The following NAV2 variants were observed in gnomAD, a reference collection of about 807,000 sequenced individuals.
NAV2 encodes neuron navigator 2, also known as helicase, APC down-regulated 1.
NAV2 carries 54 observed loss-of-function variants against 223.2 expected under a neutral mutation model. The ratio of observed to expected loss-of-function variants is 0.24; its 90% CI spans 0.19 to 0.30. The LOEUF is 0.30. Among genes scored for constraint, NAV2 ranks in the 10% least tolerant of loss-of-function variants. NAV2 has a pLI of 1.00. For missense variants in NAV2, 2,806 were observed against 3,147.5 expected, an observed-to-expected ratio of 0.89 and a Z score of 2.60; for synonymous variants, 1,279 against 1,239.3, an observed-to-expected ratio of 1.03 and a Z score of -0.67.
chr11:19,916,086 A>G (rs934003248), intron 6 of NAV2, among the ~76,000 whole-genome samples: 1 of 152,342 alleles, frequency 6.6e-6, no homozygotes, highest in South Asian at 2.1e-4. Flanking sequence ...CAAGTACAAT[A>G]CTTAGCATAG....
intron 1 of NAV2, among the ~76,000 whole-genome samples, chr11:19,637,298 G>T (rs2047532730): frequency 6.6e-6 from 1 of 152,138 alleles, no homozygotes; most frequent in South Asian, 2.1e-4. Flanking sequence ...CTTCTGCCTG[G>T]TCAGGCCTCT....
At chr11:19,887,981 C>T (rs765456601) in intron 5 of NAV2, among the ~76,000 whole-genome samples, 3 of 151,028 alleles carry the variant, frequency 2.0e-5, no homozygotes, top group Non-Finnish European at 2.9e-5. Flanking sequence ...ACGTACATCG[C>T]GTGGAACAGA....
intron 11 of NAV2, among the ~76,000 whole-genome samples, chr11:19,984,681 C>CCTGTTGCA (rs902000007): frequency 1.3e-5 from 2 of 152,166 alleles, no homozygotes; most frequent in African/African-American, 4.8e-5. Flanking sequence ...CAAAAAGCCT[C>CCTGTTGCA]CTGTTGCATG....
intron 11 of NAV2, among the ~76,000 whole-genome samples, chr11:19,986,517 G>T (rs1388106566): frequency 2.0e-5 from 3 of 151,790 alleles, no homozygotes; most frequent in East Asian, 3.9e-4. Flanking sequence ...CTACTCGGGA[G>T]AGGGAGGCAT....
intron 11 of NAV2, among the ~76,000 whole-genome samples, chr11:19,994,424 G>A (rs966006548): frequency 6.6e-6 from 1 of 152,180 alleles, no homozygotes; most frequent in Non-Finnish European, 1.5e-5. Context: ...GCGGGCGCCT[G>A]TAATCCCAGC....
rs554777708 is a variant in NAV2, at chr11:19,428,706, C to T, written c.75+77679C>T. ...CCTTAGCAGTCATCTTTCCTCTATG[C>T]CACCTAGTCATCTTCCTGTCATAAA... On this transcript the variant is annotated intron_variant, in intron 1 of 37. Coordinates refer to the NAV2 transcript ENST00000360655. Among the ~76,000 whole-genome samples, 13 of 152,294 alleles carry T rather than the reference C, an allele frequency of 8.5e-5. No homozygotes were observed. In the South Asian group the frequency reaches 2.5e-3, roughly 29 times the overall value.
At chr11:20,100,577 G>GTA in intron 31 of NAV2, among the ~76,000 whole-genome samples, 1 of 151,496 alleles carries the variant, frequency 6.6e-6, no homozygotes, top group South Asian at 2.1e-4. Context: ...GTGTGTGTGT[G>GTA]TGTGTGTGTG....
intron 11 of NAV2, among the ~76,000 whole-genome samples, chr11:20,002,054 T>C (rs1010669602): frequency 6.6e-5 from 10 of 152,166 alleles, no homozygotes; most frequent in African/African-American, 1.4e-4. Context: ...GAAGGCCCTC[T>C]TCTGGGCTGC....
intron 5 of NAV2, among the ~76,000 whole-genome samples, chr11:19,891,193 A>C (rs1031477961): frequency 6.6e-6 from 1 of 152,230 alleles, no homozygotes; most frequent in East Asian, 1.9e-4. Context: ...ATTTGCATGG[A>C]AAGAGAAGGC....
At chr11:19,849,309 C>T (rs2060981368) in intron 3 of NAV2, among the ~76,000 whole-genome samples, 1 of 152,198 alleles carries the variant, frequency 6.6e-6, no homozygotes, top group Non-Finnish European at 1.5e-5. Flanking sequence ...GCCGTGTTCT[C>T]CTTAGTTTTC....
At chr11:19,816,377 C>A (rs78801962) in intron 1 of NAV2, among the ~76,000 whole-genome samples, 4,256 of 152,356 alleles carry the variant, frequency 0.028, 205 homozygotes, top group African/African-American at 0.097. Context: ...AGGTTCTGTG[C>A]CTCTCTGCCC....
chr11:20,097,094 A>G (rs2061328783), intron 30 of NAV2, among the ~76,000 whole-genome samples: 1 of 152,078 alleles, frequency 6.6e-6, no homozygotes, highest in Non-Finnish European at 1.5e-5. Flanking sequence ...AATTAAACAC[A>G]CGTTTTCCTT....
chr11:19,553,288 C>T (rs918391328), intron 1 of NAV2, among the ~76,000 whole-genome samples: 1 of 152,234 alleles, frequency 6.6e-6, no homozygotes, highest in Non-Finnish European at 1.5e-5. Context: ...AGCCCCACCC[C>T]TAATCTTGGG....
At chr11:19,879,763 A>G in intron 4 of NAV2, 106 bp from the exon 5 acceptor site, 1 of 1,287,126 alleles carries the variant, frequency 7.8e-7, no homozygotes. Flanking sequence ...GTGTTCAGGA[A>G]GCCTGTCATA....
intron 1 of NAV2, chr11:19,575,370 T>C (rs1457896084): frequency 6.5e-6 from 1 of 154,194 alleles, no homozygotes; most frequent in Admixed American, 6.5e-5. Flanking sequence ...GCCATTGCAA[T>C]GAGAAAGGAG....
At chr11:19,413,247 A>C (rs1850222555) in intron 1 of NAV2, among the ~76,000 whole-genome samples, 1 of 152,224 alleles carries the variant, frequency 6.6e-6, no homozygotes, top group Admixed American at 6.5e-5. Flanking sequence ...GATGGAGCTG[A>C]AAAACACAGT....
At chr11:19,662,407 G>A (rs1350290646) in intron 1 of NAV2, among the ~76,000 whole-genome samples, 1 of 152,208 alleles carries the variant, frequency 6.6e-6, no homozygotes, top group East Asian at 1.9e-4. Flanking sequence ...TGAGGCAGGA[G>A]GTGGAAACAC....
chr11:19,588,852 G>A (rs947948100), intron 1 of NAV2, among the ~76,000 whole-genome samples: 2 of 152,226 alleles, frequency 1.3e-5, no homozygotes, highest in Non-Finnish European at 2.9e-5. Flanking sequence ...ATTTGTGCCA[G>A]GTTAGAGGGG....
chr11:19,809,158 A>C (rs1449057585), intron 1 of NAV2, among the ~76,000 whole-genome samples: 1 of 152,196 alleles, frequency 6.6e-6, no homozygotes, highest in Non-Finnish European at 1.5e-5. Flanking sequence ...AACAGTTACT[A>C]ATGAGTATTC....
Sources: allele counts gnomAD v4.1 joint callset (sites outside exome capture counted in the v4.1 genomes callset), GRCh38; gene constraint gnomAD v4.1.1; transcripts MANE v1.5; gene names NCBI Gene and HGNC (gene_info 2026-07-23, HGNC 2026-07-21).